ANKFY1: variants seen among roughly 807,000 people sequenced by gnomAD.
ANKFY1 encodes ankyrin repeat and FYVE domain containing 1.
A neutral mutation model predicts 128.3 loss-of-function variants in ANKFY1; 47 were observed. That is an observed-to-expected ratio of 0.37 (90% CI 0.29 to 0.47). The LOEUF is 0.47. Ranked by LOEUF, ANKFY1 falls within the 20% of genes least tolerant of loss-of-function variation. ANKFY1 has a pLI of 1.00. For synonymous variants in ANKFY1, 553 were observed against 601.6 expected (o/e 0.92, Z 1.18); for missense variants, 1,222 against 1,510.6 (o/e 0.81, Z 3.17).
chr17:4,209,107 G>A (rs1816481953), intron 5 of ANKFY1, among the ~76,000 whole-genome samples: 1 of 152,066 alleles, frequency 6.6e-6, no homozygotes, highest in Admixed American at 6.5e-5. Flanking sequence ...AACAACCTAA[G>A]AAAGGGAAAT....
Position 4,178,031 on chromosome 17 carries a change from G to A in ANKFY1, c.2599-729C>T, listed in dbSNP as rs1464786042. ...GGCACGTGCCAGTCTCATAAGCAGCGGATCCACAAAGCGCTTTCATCAGCA... is the reference window on the plus strand; with the variant it reads ...GGCACGTGCCAGTCTCATAAGCAGCAGATCCACAAAGCGCTTTCATCAGCA... On this transcript the variant is annotated intron_variant, in intron 18 of 24. Coordinates refer to ENST00000341657, the MANE Select transcript of ANKFY1 (RefSeq NM_001330063.2). The surrounding 1 kb of genome is among the most constrained non-coding windows in gnomAD (Gnocchi z 4.1). 1 of 152,528 alleles carries A rather than the reference G, an allele frequency of 6.6e-6. No homozygotes were observed. The highest frequency in any genetic ancestry group is 1.9e-4 in the East Asian group (1 of 5,208). 9.4% of individuals were successfully genotyped at this position (152,528 alleles called of 1,614,324 possible).
chr17:4,256,183 C>G (rs993923719), intron 1 of ANKFY1, among the ~76,000 whole-genome samples: 1 of 151,536 alleles, frequency 6.6e-6, no homozygotes, highest in African/African-American at 2.4e-5. Context: ...AATCCCAGCA[C>G]TTTGGGAGGC....
At chr17:4,168,066 T>G (rs1024815421) in intron 24 of ANKFY1, 155 bp from the exon 25 acceptor site, 2 of 750,668 alleles carry the variant, frequency 2.7e-6, no homozygotes, top group Non-Finnish European at 4.1e-6. Context: ...CCACAATTCA[T>G]GTAGAATTTT....
intron 7 of ANKFY1, among the ~76,000 whole-genome samples, chr17:4,201,248 A>C (rs966416875): frequency 1.3e-5 from 2 of 152,142 alleles, no homozygotes; most frequent in African/African-American, 2.4e-5. Flanking sequence ...CCCAGGCTGG[A>C]CTCAAACTCC....
chr17:4,246,770 T>C (rs2143441361), intron 1 of ANKFY1, among the ~76,000 whole-genome samples: 1 of 152,364 alleles, frequency 6.6e-6, no homozygotes, highest in East Asian at 1.9e-4. Flanking sequence ...CAAATATTTA[T>C]GCATTAAGCA....
At chr17:4,182,634 C>A (rs868365510) in intron 14 of ANKFY1, among the ~76,000 whole-genome samples, 1 of 152,176 alleles carries the variant, frequency 6.6e-6, no homozygotes, top group African/African-American at 2.4e-5. Flanking sequence ...ACTCCAAGAA[C>A]CCTCCTGGCA....
chr17:4,174,330 C>T (rs9904543), intron 19 of ANKFY1, among the ~76,000 whole-genome samples: 137,847 of 152,164 alleles, frequency 0.91, 64,038 homozygotes, highest in Non-Finnish European at 1. Flanking sequence ...TGTATAAAAG[C>T]TGTGCAGGAC....
At position 4,167,876 on chromosome 17, in the gene ANKFY1, G is replaced by C; in HGVS notation, c.3413C>G (p.Ser1138Trp). The change falls in exon 25 of 25, where the codon TCG (serine) becomes TGG (tryptophan). Residue 1138 changes from serine to tryptophan, a missense_variant. Coordinates refer to ENST00000341657, the MANE Select transcript of ANKFY1 (RefSeq NM_001330063.2). The surrounding 1 kb of genome is among the most constrained non-coding windows in gnomAD (Gnocchi z 4.1). ...CTTTATAATAGGAATCTCCTTGGTC[G>C]AGCATTTATGGCAAAGAAGACGTCC... Reference protein sequence around the residue: ...HCGRLLCHKCSTKEIPIIKFD... With the variant: ...HCGRLLCHKCWTKEIPIIKFD... 1.2e-6 allele frequency: 2 copies of C among 1,613,974 alleles called. No individual in the cohort carries two copies. The highest frequency in any genetic ancestry group is 1.7e-6 in the Non-Finnish European group (2 of 1,179,910).
intron 4 of ANKFY1, 108 bp from the exon 5 acceptor site, chr17:4,210,055 C>G: frequency 1.9e-6 from 2 of 1,030,372 alleles, no homozygotes; most frequent in Non-Finnish European, 1.4e-6. Flanking sequence ...ATTAATAACA[C>G]TATGGGATAA....
In ANKFY1 at chr17:4,178,715, C is replaced by T; in HGVS notation, c.2598+142G>A. 3.7e-6 allele frequency: 3 copies of T among 815,248 alleles called. No individual in the cohort carries two copies. The highest frequency in any genetic ancestry group is 5.9e-6 in the Non-Finnish European group (3 of 506,520). The allele number at this position is 815,248 out of a possible 1,614,324, so 50.5% of individuals were successfully genotyped here. On this transcript the variant is annotated intron_variant, in intron 18 of 24. Coordinates refer to ENST00000341657, the MANE Select transcript of ANKFY1 (RefSeq NM_001330063.2). The surrounding 1 kb of genome is among the most constrained non-coding windows in gnomAD (Gnocchi z 4.1). ...ATCCTGCACGGATGGGACATCTCAACAGCCACATCTTAGGACAGGAGTACA... is the reference window on the plus strand; with the variant it reads ...ATCCTGCACGGATGGGACATCTCAATAGCCACATCTTAGGACAGGAGTACA...
intron 2 of ANKFY1, among the ~76,000 whole-genome samples, chr17:4,241,154 A>G (rs551618062): frequency 5.3e-5 from 8 of 152,330 alleles, no homozygotes; most frequent in African/African-American, 1.9e-4. Flanking sequence ...GATCCTCACA[A>G]CAGCCCAAAG....
chr17:4,246,122 G>A (rs995757709), intron 1 of ANKFY1, among the ~76,000 whole-genome samples: 1 of 152,110 alleles, frequency 6.6e-6, no homozygotes, highest in Admixed American at 6.6e-5. Flanking sequence ...TTAAGCCAAC[G>A]CAGTAAACCC....
Position 4,167,999 on chromosome 17 carries a change from G to T in ANKFY1, c.3378-88C>A, listed in dbSNP as rs1450271200. 3 of 1,439,462 alleles carry T rather than the reference G, an allele frequency of 2.1e-6. No individual in the cohort carries two copies. The highest frequency in any genetic ancestry group is 2.8e-6 in the Non-Finnish European group (3 of 1,069,166). The allele number at this position is 1,439,462 out of a possible 1,614,324, so 89.2% of individuals were successfully genotyped here. On this transcript the variant is annotated intron_variant, in intron 24 of 24. Transcript: ENST00000341657. The surrounding 1 kb of genome is among the most constrained non-coding windows in gnomAD (Gnocchi z 4.1). ...GTGAGGACAACCGCAGCAGGGCCTGGCAGCCAAGGCGCCCGCAATGCTACT... is the reference window on the plus strand; with the variant it reads ...GTGAGGACAACCGCAGCAGGGCCTGTCAGCCAAGGCGCCCGCAATGCTACT...
At chr17:4,186,164 T>C (rs144598905) in intron 11 of ANKFY1, among the ~76,000 whole-genome samples, 1 of 152,300 alleles carries the variant, frequency 6.6e-6, no homozygotes, top group East Asian at 1.9e-4. Flanking sequence ...TGTATGTCCG[T>C]ATGTAAACAC....
At chr17:4,168,735 A>T (rs2059259259) in intron 24 of ANKFY1, 1 of 153,324 alleles carries the variant, frequency 6.5e-6, no homozygotes. Flanking sequence ...GCTGGTCTCG[A>T]ACTCCTGACC....
intron 3 of ANKFY1, among the ~76,000 whole-genome samples, chr17:4,219,571 T>C (rs1481497123): frequency 6.6e-6 from 1 of 152,146 alleles, no homozygotes; most frequent in Non-Finnish European, 1.5e-5. Flanking sequence ...ATTGGCTCAT[T>C]AGCTCTGATT....
chr17:4,193,709 G>A (rs1377837843), intron 10 of ANKFY1, among the ~76,000 whole-genome samples: 1 of 151,396 alleles, frequency 6.6e-6, no homozygotes, highest in Non-Finnish European at 1.5e-5. Context: ...TAACAGGCGT[G>A]AGCCACTGCG....
At position 4,165,236 on chromosome 17, in the gene ANKFY1, A is replaced by G. The variant is rs2059191138; in HGVS notation, c.*2543T>C. On this transcript the variant is annotated 3_prime_UTR_variant, in exon 25 of 25. Transcript: ENST00000341657. ...CTGGATAATAAATCTGGCGATGAGC[A>G]AAGGGCAGTTGAGAGCACATTCAGC... 1 of 152,242 alleles carries G rather than the reference A, an allele frequency of 6.6e-6. No individual in the cohort carries two copies. Among genetic ancestry groups the G allele is most frequent in the African/African-American group, 2.4e-5 (1 of 41,462 alleles). 9.4% of individuals were successfully genotyped at this position (152,242 alleles called of 1,614,324 possible).
At chr17:4,247,215 G>A (rs1247944771) in intron 1 of ANKFY1, among the ~76,000 whole-genome samples, 2 of 152,094 alleles carry the variant, frequency 1.3e-5, no homozygotes, top group African/African-American at 2.4e-5. Flanking sequence ...TGAAAGCTCT[G>A]TTTCAGCCAT....
Sources: allele counts gnomAD v4.1 joint callset (sites outside exome capture counted in the v4.1 genomes callset), GRCh38; gene constraint gnomAD v4.1.1; non-coding constraint Gnocchi (gnomAD v3.1); transcripts MANE v1.5; gene names NCBI Gene and HGNC (gene_info 2026-07-23, HGNC 2026-07-21).